MLF1: variants seen among roughly 807,000 people sequenced by gnomAD.
MLF1 encodes the protein myelodysplasia-myeloid leukemia factor 1.
A neutral mutation model predicts 38.3 loss-of-function variants in MLF1; 37 were observed. The ratio of observed to expected loss-of-function variants is 0.96; its 90% CI spans 0.74 to 1.27. The LOEUF is 1.27. Among genes scored for constraint, MLF1 ranks in the 50% most tolerant of loss-of-function variants. The probability of loss-of-function intolerance (pLI) is 0.00; values close to 1 mark genes in which losing one functional copy is unlikely to be tolerated. For synonymous variants in MLF1, 95 were observed against 106.5 expected (o/e 0.89, Z 0.66); for missense variants, 331 against 349.2 (o/e 0.95, Z 0.42).
intron 1 of MLF1, among the ~76,000 whole-genome samples, chr3:158,580,866 A>C (rs1276675068): frequency 1.3e-5 from 2 of 152,004 alleles, no homozygotes; most frequent in Non-Finnish European, 2.9e-5. Context: ...TGGGAGGATC[A>C]ATTGAGCTTA....
At chr3:158,592,869 A>G (rs866782637) in intron 2 of MLF1, among the ~76,000 whole-genome samples, 6 of 152,258 alleles carry the variant, frequency 3.9e-5, no homozygotes, top group Admixed American at 2.0e-4. Context: ...CTCACCTTAT[A>G]ACTTCCTCTG....
chr3:158,588,302 T>C (rs1316685811), intron 1 of MLF1, among the ~76,000 whole-genome samples: 1 of 152,196 alleles, frequency 6.6e-6, no homozygotes, highest in Non-Finnish European at 1.5e-5. Flanking sequence ...TGATTCCTAA[T>C]CAACAGAAAT....
intron 1 of MLF1, among the ~76,000 whole-genome samples, chr3:158,584,102 C>G (rs573956624): frequency 2.6e-5 from 4 of 152,144 alleles, no homozygotes; most frequent in Non-Finnish European, 5.9e-5. Context: ...TAAAACTGTT[C>G]GAAGACCTTT....
At chr3:158,571,800 G>C (rs1435075879) in intron 1 of MLF1, among the ~76,000 whole-genome samples, 1 of 57,212 alleles carries the variant, frequency 1.7e-5, no homozygotes, top group Non-Finnish European at 3.3e-5. Flanking sequence ...GAGGGGAAGG[G>C]TTGAGGGTGT....
At chr3:158,590,841 C>A (rs998212247) in intron 1 of MLF1, 1 of 449,376 alleles carries the variant, frequency 2.2e-6, no homozygotes, top group African/African-American at 2.0e-5. Context: ...TCAAACTGTA[C>A]AACAAAATTG....
At chr3:158,576,671 A>ATT (rs11341425) in intron 1 of MLF1, among the ~76,000 whole-genome samples, 302 of 132,700 alleles carry the variant, frequency 2.3e-3, no homozygotes, top group African/African-American at 3.1e-3. Context: ...GTCAACCTTA[A>ATT]TTTTTTTTTT....
At chr3:158,574,523 A>AAC (rs1553830588) in intron 1 of MLF1, among the ~76,000 whole-genome samples, 1 of 115,698 alleles carries the variant, frequency 8.6e-6, no homozygotes, top group Admixed American at 9.2e-5. Flanking sequence ...AAAAAAAAAA[A>AAC]AAAATACAAA....
At chr3:158,577,073 T>C (rs1715575681) in intron 1 of MLF1, among the ~76,000 whole-genome samples, 2 of 152,226 alleles carry the variant, frequency 1.3e-5, no homozygotes, top group African/African-American at 4.8e-5. Context: ...GTTAAAGTAC[T>C]GCATATATTC....
intron 1 of MLF1, among the ~76,000 whole-genome samples, chr3:158,590,547 A>G (rs768303835): frequency 1.3e-5 from 2 of 152,252 alleles, no homozygotes; most frequent in Non-Finnish European, 2.9e-5. Context: ...TATATGTATG[A>G]ACTTAGCAAT....
chr3:158,580,007 A>G (rs1716080819), intron 1 of MLF1, among the ~76,000 whole-genome samples: 2 of 152,244 alleles, frequency 1.3e-5, no homozygotes, highest in Non-Finnish European at 2.9e-5. Flanking sequence ...TATTTCAAAC[A>G]TACTGCAAAG....
At position 158,588,841 on chromosome 3, in the gene MLF1, T is replaced by G. The variant is rs2115942; in HGVS notation, c.48-3593T>G. On this transcript the variant is annotated intron_variant, in intron 1 of 7. Coordinates refer to ENST00000466246, the MANE Select transcript of MLF1 (RefSeq NM_001369783.1). Reference sequence around the variant, plus strand: ...CATAAACAAACCTCATTTGAGGATGTTGTTTCTCAGACATACAGGTGGTCT... The same window carrying G: ...CATAAACAAACCTCATTTGAGGATGGTGTTTCTCAGACATACAGGTGGTCT... 78,510 of 456,196 alleles carry G rather than the reference T, an allele frequency of 0.17. 7,640 individuals carry two copies. The highest frequency in any genetic ancestry group is 0.3 in the African/African-American group (14,804 of 50,074). The allele number at this position is 456,196 out of a possible 1,614,324, so 28.3% of individuals were successfully genotyped here. A position where few individuals can be genotyped will look rare whatever the true frequency, so the allele number is the denominator to read the frequency against.
chr3:158,571,202 C>G lies in MLF1; in HGVS notation c.-99C>G. 1 of 925,786 alleles carries G rather than the reference C, an allele frequency of 1.1e-6. No individual in the cohort carries two copies. The highest frequency in any genetic ancestry group is 1.7e-6 in the Non-Finnish European group (1 of 583,616). The allele number at this position is 925,786 out of a possible 1,614,324, so 57.3% of individuals were successfully genotyped here. ...ACCGCCTGCGCCGCGGCGAGTGAGG[C>G]GTCGTCCGTACTGGAGGCTAGCTCT... On this transcript the variant is annotated 5_prime_UTR_variant, in exon 1 of 8. Transcript: ENST00000466246.
chr3:158,574,880 T>C (rs1254721037), intron 1 of MLF1, among the ~76,000 whole-genome samples: 2 of 152,184 alleles, frequency 1.3e-5, no homozygotes, highest in Non-Finnish European at 2.9e-5. Context: ...AAGATTATGA[T>C]AGACAATTTT....
chr3:158,590,598 CAAA>C (rs1717972983), intron 1 of MLF1, among the ~76,000 whole-genome samples: 1 of 152,098 alleles, frequency 6.6e-6, no homozygotes, highest in South Asian at 2.1e-4. Flanking sequence ...ATGGATGAAT[CAAA>C]GAAGCATTAT....
At chr3:158,598,490 A>C (rs1719244836) in intron 5 of MLF1, among the ~76,000 whole-genome samples, 1 of 149,838 alleles carries the variant, frequency 6.7e-6, no homozygotes, top group Non-Finnish European at 1.5e-5. Context: ...ACATGTTGAC[A>C]AGGTAAACAA....
rs1303731194 is a variant in MLF1, at chr3:158,606,092, G to A, written c.*890G>A. ...TTGTCTCAAAATCTGTTAGACAGCTGATGGGTGTTTTTGAGCAACGTCTTA... is the reference window on the plus strand; with the variant it reads ...TTGTCTCAAAATCTGTTAGACAGCTAATGGGTGTTTTTGAGCAACGTCTTA... On this transcript the variant is annotated 3_prime_UTR_variant, in exon 8 of 8. Coordinates refer to ENST00000466246, the MANE Select transcript of MLF1 (RefSeq NM_001369783.1). 5.5e-6 allele frequency: 1 copy of A among 181,050 alleles called. No individual in the cohort carries two copies. Among genetic ancestry groups the A allele is most frequent in the Non-Finnish European group, 1.2e-5 (1 of 84,864 alleles). The allele number at this position is 181,050 out of a possible 1,614,324, so 11.2% of individuals were successfully genotyped here.
intron 1 of MLF1, among the ~76,000 whole-genome samples, chr3:158,584,772 C>G (rs936075106): frequency 6.6e-5 from 10 of 151,654 alleles, no homozygotes; most frequent in Non-Finnish European, 1.2e-4. Context: ...TTTGGCTTCT[C>G]TGTACCACAT....
intron 1 of MLF1, chr3:158,591,248 C>T (rs1260675541): frequency 1.2e-5 from 5 of 422,336 alleles, no homozygotes; most frequent in African/African-American, 8.4e-5. Flanking sequence ...CAACTTCTGC[C>T]TCCCGGGTTC....
intron 1 of MLF1, among the ~76,000 whole-genome samples, chr3:158,577,532 A>G (rs936625580): frequency 6.6e-6 from 1 of 152,208 alleles, no homozygotes; most frequent in Admixed American, 6.5e-5. Context: ...CTGAATACCT[A>G]CTGTGAAATT....
Sources: allele counts gnomAD v4.1 joint callset (sites outside exome capture counted in the v4.1 genomes callset), GRCh38; gene constraint gnomAD v4.1.1; transcripts MANE v1.5; gene names NCBI Gene and HGNC (gene_info 2026-07-23, HGNC 2026-07-21).